Variants in BCL2 observed in about 807,000 individuals in gnomAD.
The protein encoded by BCL2 is BCL2 apoptosis regulator, also known as apoptosis regulator Bcl-2.
Under a neutral mutation model 14.2 loss-of-function variants are expected in BCL2, and 1 was observed. That is an observed-to-expected ratio of 0.07 (90% CI 0.02 to 0.33). The LOEUF (loss-of-function observed/expected upper bound fraction) is 0.33. BCL2 is among the 10% of genes least tolerant of loss of function. BCL2 has a pLI of 0.99. For missense variants in BCL2, 247 were observed against 305.9 expected, an observed-to-expected ratio of 0.81 and a Z score of 1.44; for synonymous variants, 151 against 137.2, an observed-to-expected ratio of 1.10 and a Z score of -0.70.
chr18:63,275,648 G>T (rs1912131357), intron 2 of BCL2, among the ~76,000 whole-genome samples: 1 of 152,202 alleles, frequency 6.6e-6, no homozygotes. Context: ...AGTAGTTATT[G>T]TTTGTAATTT....
intron 2 of BCL2, among the ~76,000 whole-genome samples, chr18:63,140,166 T>C (rs1208699180): frequency 6.6e-6 from 1 of 152,174 alleles, no homozygotes; most frequent in Non-Finnish European, 1.5e-5. Context: ...GGCAAGGATG[T>C]TGAGAAATTG....
chr18:63,275,678 A>G (rs1912132221), intron 2 of BCL2, among the ~76,000 whole-genome samples: 1 of 152,252 alleles, frequency 6.6e-6, no homozygotes, highest in Non-Finnish European at 1.5e-5. Context: ...GGTTTATCCA[A>G]TTATCTCTCT....
rs767100018 is a variant in BCL2 at position 63,235,547 on chromosome 18, A to AAT, written c.585+82533_585+82534dup. Among the ~76,000 whole-genome samples the AAT allele has an allele frequency of 5.0e-4, 75 of 151,512 alleles. 1 individual carries two copies. Among genetic ancestry groups the AAT allele is most frequent in the East Asian group, 1.6e-3 (8 of 5,146 alleles). ...TATATAAAGTTTAAATACATTTAAA[A>AAT]ATATATATATATAGTTTAAGGATAC... is the stretch of plus-strand genomic sequence containing the variant. On this transcript the variant is annotated intron_variant, in intron 2 of 2. Transcript: ENST00000333681.
intron 2 of BCL2, among the ~76,000 whole-genome samples, chr18:63,192,468 A>C (rs1445963340): frequency 1.3e-5 from 2 of 152,220 alleles, no homozygotes; most frequent in Admixed American, 1.3e-4. Flanking sequence ...GATGACGGGA[A>C]GTATTTGGGG....
intron 2 of BCL2, among the ~76,000 whole-genome samples, chr18:63,194,646 CT>C (rs1768113332): frequency 6.6e-6 from 1 of 152,140 alleles, no homozygotes; most frequent in African/African-American, 2.4e-5. Flanking sequence ...AATCATTATG[CT>C]TATGAACTAC....
intron 2 of BCL2, among the ~76,000 whole-genome samples, chr18:63,291,531 C>T (rs1193206940): frequency 6.6e-6 from 1 of 152,094 alleles, no homozygotes; most frequent in African/African-American, 2.4e-5. Context: ...TCCACAGCCC[C>T]GTCCTGAATC....
At chr18:63,269,695 T>C (rs1400071158) in intron 2 of BCL2, among the ~76,000 whole-genome samples, 1 of 152,204 alleles carries the variant, frequency 6.6e-6, no homozygotes, top group Non-Finnish European at 1.5e-5. Flanking sequence ...TTAAAAGATA[T>C]CATGTAATGT....
At chr18:63,140,100 A>G (rs1473640759) in intron 2 of BCL2, among the ~76,000 whole-genome samples, 1 of 152,232 alleles carries the variant, frequency 6.6e-6, no homozygotes, top group African/African-American at 2.4e-5. Flanking sequence ...AACCACAAGG[A>G]GAGATCACAT....
chr18:63,128,622 A>T lies in BCL2; in HGVS notation c.*3T>A. The T allele has an allele frequency of 1.3e-6, 1 of 780,794 alleles. No homozygotes were observed. The highest frequency in any genetic ancestry group is 2.4e-6 in the Non-Finnish European group (1 of 417,988). 48.4% of individuals were successfully genotyped at this position (780,794 alleles called of 1,614,324 possible). Reference sequence around the variant, plus strand: ...ATATTTGTTTGGGGCAGGCATGTTGACTTCACTTGTGGCCCAGATAGGCAC... The same window carrying T: ...ATATTTGTTTGGGGCAGGCATGTTGTCTTCACTTGTGGCCCAGATAGGCAC... On this transcript the variant is annotated 3_prime_UTR_variant, in exon 3 of 3. Transcript: ENST00000333681.
At chr18:63,274,808 T>C (rs1003932799) in intron 2 of BCL2, among the ~76,000 whole-genome samples, 1 of 152,130 alleles carries the variant, frequency 6.6e-6, no homozygotes, top group African/African-American at 2.4e-5. Flanking sequence ...TTTCAAGCAT[T>C]TGGTTGAATC....
chr18:63,169,278 TTC>T, intron 2 of BCL2, among the ~76,000 whole-genome samples: 1 of 71,360 alleles, frequency 1.4e-5, no homozygotes, highest in Non-Finnish European at 2.5e-5. Context: ...CTTTCTTTCT[TTC>T]TTTCTTTCTT....
intron 2 of BCL2, among the ~76,000 whole-genome samples, chr18:63,156,248 A>G (rs543340966): frequency 5.9e-5 from 9 of 152,312 alleles, no homozygotes; most frequent in Admixed American, 1.3e-4. Context: ...TAAACTGCAA[A>G]TAACTTTTCC....
intron 2 of BCL2, among the ~76,000 whole-genome samples, chr18:63,240,904 T>G (rs1461203407): frequency 6.6e-6 from 1 of 152,240 alleles, no homozygotes; most frequent in Non-Finnish European, 1.5e-5. Flanking sequence ...TTAACAGGGT[T>G]GGTGTCCACT....
intron 2 of BCL2, among the ~76,000 whole-genome samples, chr18:63,182,670 A>G (rs1440946159): frequency 6.6e-6 from 1 of 152,234 alleles, no homozygotes; most frequent in Non-Finnish European, 1.5e-5. Flanking sequence ...AAATTAGACC[A>G]TAAAACAGGC....
At position 63,236,829 on chromosome 18, in the gene BCL2, G is replaced by T. The variant is rs564721665; in HGVS notation, c.585+81253C>A. ...CTGCGTTTAGGGGCATTAGCTCTGA[G>T]ATCTTGTCCGGGACAGGTCCCTTTT... On this transcript the variant is annotated intron_variant, in intron 2 of 2. Transcript: ENST00000333681. Among the ~76,000 whole-genome samples, 23 of 152,310 alleles carry T rather than the reference G, an allele frequency of 1.5e-4. 1 individual carries two copies. The East Asian group carries it at 4.1e-3, about 27-fold the overall frequency.
In BCL2 at chr18:63,175,714, A is replaced by C. The variant is rs369060945; in HGVS notation, c.586-46955T>G. ...CCTCCCACTACACAGGTGCCCAAAA[A>C]TACTCTCAGGGAGACAAAGTTGTCT... is the stretch of plus-strand genomic sequence containing the variant. On this transcript the variant is annotated intron_variant, in intron 2 of 2. Transcript: ENST00000333681. Among the ~76,000 whole-genome samples the C allele has an allele frequency of 5.2e-4, 79 of 152,326 alleles. 2 individuals are homozygous for C. Among genetic ancestry groups the C allele is most frequent in the East Asian group, 3.1e-3 (16 of 5,184 alleles).
At chr18:63,239,444 G>A (rs1910930955) in intron 2 of BCL2, among the ~76,000 whole-genome samples, 1 of 152,112 alleles carries the variant, frequency 6.6e-6, no homozygotes. Context: ...AGGCAATTCT[G>A]GTGACACAAA....
intron 2 of BCL2, among the ~76,000 whole-genome samples, chr18:63,213,626 G>C (rs1910114279): frequency 6.6e-6 from 1 of 151,624 alleles, no homozygotes; most frequent in Non-Finnish European, 1.5e-5. Flanking sequence ...ATGTGAGTAA[G>C]TTCATAATTT....
At chr18:63,143,059 T>A (rs553790254) in intron 2 of BCL2, among the ~76,000 whole-genome samples, 7 of 152,158 alleles carry the variant, frequency 4.6e-5, no homozygotes, top group African/African-American at 1.2e-4. Flanking sequence ...CCTGGCTCAT[T>A]AACATATGGA....
Sources: gnomAD v4.1 joint callset for allele counts (sites outside exome capture counted in the v4.1 genomes callset) on GRCh38, gnomAD v4.1.1 for gene constraint, MANE v1.5 for transcripts, NCBI Gene and HGNC (gene_info 2026-07-23, HGNC 2026-07-21) for gene names.